ZDHHC7: variants seen among roughly 807,000 people sequenced by gnomAD.
ZDHHC7 encodes palmitoyltransferase ZDHHC7.
Under a neutral mutation model 34.1 loss-of-function variants are expected in ZDHHC7, and 12 were observed. The observed-to-expected ratio is 0.35, with a 90% confidence interval of 0.23 to 0.57. The LOEUF is 0.57. Among genes scored for constraint, ZDHHC7 ranks in the 20% least tolerant of loss-of-function variants. The pLI is 0.84. For missense variants in ZDHHC7, 388 were observed against 402.7 expected (o/e 0.96, Z 0.31); for synonymous variants, 185 against 155.4 (o/e 1.19, Z -1.42).
At chr16:84,988,970 AC>A (rs2072473635) in intron 3 of ZDHHC7, 1 of 1,244,616 alleles carries the variant, frequency 8.0e-7, no homozygotes, top group Admixed American at 2.0e-5. Flanking sequence ...TGGGCAACAA[AC>A]AAGGGGTTTC....
At chr16:84,986,583 C>T (rs1468258081) in intron 3 of ZDHHC7, among the ~76,000 whole-genome samples, 1 of 152,208 alleles carries the variant, frequency 6.6e-6, no homozygotes, top group East Asian at 1.9e-4. Flanking sequence ...AGCCCTCTCA[C>T]GATCCCAAAG....
At chr16:84,997,546 AAG>A (rs999560265) in intron 1 of ZDHHC7, among the ~76,000 whole-genome samples, 1 of 150,448 alleles carries the variant, frequency 6.6e-6, no homozygotes, top group African/African-American at 2.4e-5. Context: ...GCTGGGATTA[AAG>A]GTGTGAGACA....
intron 3 of ZDHHC7, among the ~76,000 whole-genome samples, chr16:84,988,029 G>C (rs982953648): frequency 3.3e-5 from 5 of 152,174 alleles, no homozygotes; most frequent in Non-Finnish European, 2.9e-5. Flanking sequence ...AATTAGCCGG[G>C]CATGGTGGCA....
At chr16:85,004,642 C>G (rs2072695103) in intron 1 of ZDHHC7, among the ~76,000 whole-genome samples, 1 of 146,430 alleles carries the variant, frequency 6.8e-6, no homozygotes, top group African/African-American at 2.4e-5. Context: ...CTGCCATCAC[C>G]TCAATGGAAT....
At chr16:85,010,392 G>C (rs1036262150) in intron 1 of ZDHHC7, among the ~76,000 whole-genome samples, 6 of 152,302 alleles carry the variant, frequency 3.9e-5, no homozygotes, top group Middle Eastern at 3.4e-3. Flanking sequence ...TAACAAAAAA[G>C]AGATTCTTCA....
At position 84,974,896 on chromosome 16, in the gene ZDHHC7, C is replaced by T. The variant is rs1432582532; in HGVS notation, c.*1447G>A. ...TAGAAGCCCTGATTCGGATGGGGTA[C>T]AGAGTAATTAAAAACAAAAAACAGT... is the stretch of plus-strand genomic sequence containing the variant. On this transcript the variant is annotated 3_prime_UTR_variant, in exon 8 of 8. Coordinates refer to ENST00000313732, the MANE Select transcript of ZDHHC7 (RefSeq NM_017740.3). 6.6e-6 allele frequency: 1 copy of T among 152,580 alleles called. No homozygotes were observed. The highest frequency in any genetic ancestry group is 2.4e-5 in the African/African-American group (1 of 41,416). 9.5% of individuals were successfully genotyped at this position (152,580 alleles called of 1,614,324 possible). A position where few individuals can be genotyped will look rare whatever the true frequency, so the allele number is the denominator to read the frequency against.
upstream of ZDHHC7, chr16:85,011,548 G>T (rs568620781): frequency 1.3e-5 from 2 of 152,276 alleles, no homozygotes; most frequent in Non-Finnish European, 2.9e-5. Flanking sequence ...ACCCGACGAG[G>T]TCAGTGACGT....
At chr16:84,991,887 C>A (rs1047122769) in intron 2 of ZDHHC7, among the ~76,000 whole-genome samples, 4 of 151,950 alleles carry the variant, frequency 2.6e-5, no homozygotes, top group African/African-American at 9.7e-5. Context: ...TAAGAACATA[C>A]AAGATCTAAA....
the ZDHHC7 span, among the ~76,000 whole-genome samples, chr16:85,022,174 GCAAAGA>G: frequency 6.6e-6 from 1 of 150,564 alleles, no homozygotes; most frequent in African/African-American, 2.4e-5. Flanking sequence ...AAAAAAAAGG[GCAAAGA>G]CAGATACAGG....
At chr16:84,987,942 G>A (rs2072458463) in intron 3 of ZDHHC7, among the ~76,000 whole-genome samples, 1 of 152,198 alleles carries the variant, frequency 6.6e-6, no homozygotes, top group African/African-American at 2.4e-5. Flanking sequence ...GGCCGAGGCG[G>A]GCAGATCATA....
chr16:84,988,880 G>C, intron 3 of ZDHHC7: 1 of 1,551,570 alleles, frequency 6.4e-7, no homozygotes, highest in Non-Finnish European at 8.7e-7. Flanking sequence ...TTTCCTACAA[G>C]GCAATATTCC....
chr16:85,008,809 G>A (rs1274205888), intron 1 of ZDHHC7, among the ~76,000 whole-genome samples: 1 of 151,912 alleles, frequency 6.6e-6, no homozygotes, highest in East Asian at 1.9e-4. Flanking sequence ...ATTCTGGGAG[G>A]CTGAGGCAGG....
At chr16:85,015,187 C>T (rs1306173629), upstream of ZDHHC7, among the ~76,000 whole-genome samples, 5 of 151,656 alleles carry the variant, frequency 3.3e-5, no homozygotes, top group African/African-American at 7.3e-5. Context: ...GCAACCTCCG[C>T]GTCCCAGGTT....
At chr16:85,007,104 T>C (rs1459319949) in intron 1 of ZDHHC7, among the ~76,000 whole-genome samples, 2 of 151,800 alleles carry the variant, frequency 1.3e-5, no homozygotes, top group South Asian at 4.1e-4. Context: ...AGAGGATTAA[T>C]AGGATTCTAC....
intron 2 of ZDHHC7, among the ~76,000 whole-genome samples, chr16:84,994,949 CAGGA>C (rs947607786): frequency 2.0e-5 from 3 of 152,120 alleles, no homozygotes; most frequent in African/African-American, 7.2e-5. Flanking sequence ...AGTAATGCAA[CAGGA>C]AGGGAGGGGA....
At chr16:84,998,749 C>CTTTT (rs71151260) in intron 1 of ZDHHC7, among the ~76,000 whole-genome samples, 10 of 112,534 alleles carry the variant, frequency 8.9e-5, no homozygotes, top group East Asian at 2.7e-4. Context: ...CCTTCTGAAC[C>CTTTT]TTTTTTTTTT....
At chr16:85,015,903 T>C (rs2072832146), upstream of ZDHHC7, among the ~76,000 whole-genome samples, 1 of 152,064 alleles carries the variant, frequency 6.6e-6, no homozygotes, top group Non-Finnish European at 1.5e-5. Context: ...ATCTGTCATG[T>C]GATGCTATAA....
upstream of ZDHHC7, among the ~76,000 whole-genome samples, chr16:85,014,805 T>C (rs2143782999): frequency 6.6e-6 from 1 of 152,216 alleles, no homozygotes; most frequent in Admixed American, 6.5e-5. Context: ...CCCAAGGTGG[T>C]TGGGTCACAG....
At chr16:84,987,316 G>A (rs1393156054) in intron 3 of ZDHHC7, among the ~76,000 whole-genome samples, 2 of 152,238 alleles carry the variant, frequency 1.3e-5, no homozygotes, top group African/African-American at 4.8e-5. Context: ...AACATCGTTG[G>A]TCATTAGGGA....
Sources: gnomAD v4.1 joint callset for allele counts (sites outside exome capture counted in the v4.1 genomes callset) on GRCh38, gnomAD v4.1.1 for gene constraint, MANE v1.5 for transcripts, NCBI Gene and HGNC (gene_info 2026-07-23, HGNC 2026-07-21) for gene names.